Variants in SEMA3D observed in about 807,000 individuals in gnomAD.
The protein encoded by SEMA3D is semaphorin 3D.
A neutral mutation model predicts 100.1 loss-of-function variants in SEMA3D; 84 were observed. The ratio of observed to expected loss-of-function variants is 0.84; its 90% CI spans 0.70 to 1.01. The LOEUF is 1.01. Ranked by LOEUF, SEMA3D falls within the 50% of genes least tolerant of loss-of-function variation. The pLI is 0.00. For missense variants in SEMA3D, 875 were observed against 934.1 expected, an observed-to-expected ratio of 0.94 and a Z score of 0.82; for synonymous variants, 312 against 320.7, an observed-to-expected ratio of 0.97 and a Z score of 0.29.
At chr7:85,116,803 G>A (rs1417738799) in intron 3 of SEMA3D, among the ~76,000 whole-genome samples, 1 of 152,120 alleles carries the variant, frequency 6.6e-6, no homozygotes, top group Non-Finnish European at 1.5e-5. Context: ...ATAGAGTGAA[G>A]ATTGAGGTTC....
At chr7:85,223,538 T>TTGTG in the SEMA3D span, among the ~76,000 whole-genome samples, 74 of 148,764 alleles carry the variant, frequency 5.0e-4, no homozygotes, top group Non-Finnish European at 7.3e-4. Context: ...TATCATATAT[T>TTGTG]TGTGTGTGTG....
intron 4 of SEMA3D, among the ~76,000 whole-genome samples, chr7:85,089,804 T>A (rs1334990534): frequency 6.6e-6 from 1 of 151,994 alleles, no homozygotes; most frequent in Admixed American, 6.6e-5. Context: ...GGTGAGAGGA[T>A]TGTTTGAGCC....
In SEMA3D at chr7:85,028,163, G is replaced by A; in HGVS notation, c.1192-5550C>T. 1.4e-5 allele frequency: 9 copies of A among 637,272 alleles called. 1 individual carries two copies. Among genetic ancestry groups the A allele is most frequent in the African/African-American group, 1.3e-4 (7 of 54,534 alleles). The allele number at this position is 637,272 out of a possible 1,614,324, so 39.5% of individuals were successfully genotyped here. On this transcript the variant is annotated intron_variant, in intron 12 of 18. Transcript: ENST00000284136. ...AAGTAGAGTATGAGAGAGACAAAAA[G>A]CTGCTACCCATAGGAGGTGTCTTCT...
chr7:85,102,968 T>G (rs1399847642), intron 3 of SEMA3D, among the ~76,000 whole-genome samples: 1 of 152,078 alleles, frequency 6.6e-6, no homozygotes, highest in Non-Finnish European at 1.5e-5. Context: ...CATTGCCCTG[T>G]GACAATGCTA....
intron 4 of SEMA3D, among the ~76,000 whole-genome samples, chr7:85,096,811 G>A (rs2116309815): frequency 6.6e-6 from 1 of 151,922 alleles, no homozygotes; most frequent in South Asian, 2.1e-4. Flanking sequence ...CACAATTAGA[G>A]GGTTAAAGTG....
At chr7:85,231,399 G>A in the SEMA3D span, among the ~76,000 whole-genome samples, 1 of 142,952 alleles carries the variant, frequency 7.0e-6, no homozygotes, top group Non-Finnish European at 1.5e-5. Context: ...AATCATCATT[G>A]AATTATTCCA....
At chr7:85,098,561 A>G (rs947690625) in intron 3 of SEMA3D, among the ~76,000 whole-genome samples, 18 of 151,956 alleles carry the variant, frequency 1.2e-4, no homozygotes, top group African/African-American at 3.4e-4. Context: ...CAAAACTGAG[A>G]GGGAGATACA....
At chr7:85,063,039 C>T (rs905714926) in intron 8 of SEMA3D, among the ~76,000 whole-genome samples, 5 of 152,174 alleles carry the variant, frequency 3.3e-5, no homozygotes, top group Admixed American at 6.5e-5. Context: ...TAATAATGAT[C>T]ATGATGATAT....
chr7:85,005,363 A>AAAAT (rs1286432517), intron 18 of SEMA3D, among the ~76,000 whole-genome samples: 21 of 152,066 alleles, frequency 1.4e-4, no homozygotes, highest in Non-Finnish European at 2.1e-4. Context: ...TGGGACCCTT[A>AAAAT]AAATAAATAT....
chr7:85,097,792 T>C lies in SEMA3D; in HGVS notation c.312+13A>G, dbSNP rs768650314. On this transcript the variant is annotated intron_variant, in intron 4 of 18. Coordinates refer to ENST00000284136, the MANE Select transcript of SEMA3D (RefSeq NM_001384900.1). ...AAATGAATTTAACCAAATGTATATATAAATATACTGACCTTCTTAAAATTT... is the reference window on the plus strand; with the variant it reads ...AAATGAATTTAACCAAATGTATATACAAATATACTGACCTTCTTAAAATTT... 6.6e-7 allele frequency: 1 copy of C among 1,505,042 alleles called. No homozygotes were observed. Among genetic ancestry groups the C allele is most frequent in the Admixed American group, 1.8e-5 (1 of 56,312 alleles). 93.2% of individuals were successfully genotyped at this position (1,505,042 alleles called of 1,614,324 possible). A position where few individuals can be genotyped will look rare whatever the true frequency, so the allele number is the denominator to read the frequency against.
At chr7:85,009,289 G>A (rs954487918) in intron 17 of SEMA3D, among the ~76,000 whole-genome samples, 2 of 151,448 alleles carry the variant, frequency 1.3e-5, no homozygotes, top group African/African-American at 2.4e-5. Flanking sequence ...TAATGTTGTT[G>A]AACTATTTTT....
At chr7:85,236,596 G>A in the SEMA3D span, among the ~76,000 whole-genome samples, 22 of 151,708 alleles carry the variant, frequency 1.5e-4, no homozygotes, top group African/African-American at 3.4e-4. Context: ...ATGAGCCACC[G>A]CACCCAGACA....
chr7:85,195,929 A>T, the SEMA3D span, among the ~76,000 whole-genome samples: 2 of 152,306 alleles, frequency 1.3e-5, no homozygotes, highest in South Asian at 2.1e-4. Flanking sequence ...GTAAGTGATC[A>T]CATAGTTCAT....
intron 18 of SEMA3D, among the ~76,000 whole-genome samples, chr7:85,002,963 C>G (rs1010662896): frequency 6.6e-6 from 1 of 152,042 alleles, no homozygotes; most frequent in African/African-American, 2.4e-5. Flanking sequence ...AACCACTGCA[C>G]GTGCCTTGGA....
chr7:85,184,197 A>G (rs559360223), intron 1 of SEMA3D, among the ~76,000 whole-genome samples: 5 of 152,320 alleles, frequency 3.3e-5, no homozygotes, highest in African/African-American at 1.2e-4. Context: ...ATACAGCATC[A>G]TAACTGACCT....
chr7:85,138,561 C>G (rs1789931485), intron 2 of SEMA3D, among the ~76,000 whole-genome samples: 1 of 149,398 alleles, frequency 6.7e-6, no homozygotes, highest in African/African-American at 2.4e-5. Flanking sequence ...TGTGTATTAA[C>G]ATGAATACCT....
the SEMA3D span, among the ~76,000 whole-genome samples, chr7:85,249,508 CAT>C: frequency 6.6e-6 from 1 of 152,152 alleles, no homozygotes. Flanking sequence ...ACCATATTGA[CAT>C]ACAACTCGAA....
the SEMA3D span, among the ~76,000 whole-genome samples, chr7:85,213,324 A>G: frequency 6.6e-6 from 1 of 152,042 alleles, no homozygotes; most frequent in Non-Finnish European, 1.5e-5. Context: ...ACAAATGCTA[A>G]AAGTACCTAA....
the SEMA3D span, among the ~76,000 whole-genome samples, chr7:85,192,647 G>A: frequency 1.3e-5 from 2 of 152,066 alleles, no homozygotes; most frequent in Non-Finnish European, 2.9e-5. Context: ...AGCCTATTTA[G>A]TATAGTGAAC....
Sources: allele counts gnomAD v4.1 joint callset (sites outside exome capture counted in the v4.1 genomes callset), GRCh38; gene constraint gnomAD v4.1.1; transcripts MANE v1.5; gene names NCBI Gene and HGNC (gene_info 2026-07-23, HGNC 2026-07-21).